Variants in FANCC observed in about 807,000 individuals in gnomAD.
FANCC encodes Fanconi anemia group C protein.
In FANCC, 55 loss-of-function variants were observed where a neutral mutation model predicts 71.3. The ratio of observed to expected loss-of-function variants is 0.77; its 90% CI spans 0.62 to 0.97. The LOEUF (loss-of-function observed/expected upper bound fraction) is 0.97, where lower values mean the gene tolerates loss of function less well. Ranked by LOEUF, FANCC falls within the 50% of genes least tolerant of loss-of-function variation. FANCC has a pLI of 0.00. For synonymous variants in FANCC, 275 were observed against 244.9 expected, an observed-to-expected ratio of 1.12 and a Z score of -1.15; for missense variants, 678 against 670.9, an observed-to-expected ratio of 1.01 and a Z score of -0.12.
chr9:95,193,277 C>T (rs1274464690), intron 4 of FANCC, among the ~76,000 whole-genome samples: 1 of 152,118 alleles, frequency 6.6e-6, no homozygotes, highest in Non-Finnish European at 1.5e-5. Context: ...AAGAAAAGAG[C>T]ATGCAAACAG....
chr9:95,149,104 C>T (rs972177804), intron 7 of FANCC, among the ~76,000 whole-genome samples: 8 of 151,984 alleles, frequency 5.3e-5, no homozygotes, highest in African/African-American at 1.9e-4. Flanking sequence ...AAGAGCATTG[C>T]TTTTCATAAA....
At chr9:95,299,628 A>C (rs1834599092) in intron 1 of FANCC, among the ~76,000 whole-genome samples, 1 of 152,192 alleles carries the variant, frequency 6.6e-6, no homozygotes, top group African/African-American at 2.4e-5. Flanking sequence ...TGGGAGGCTG[A>C]GGAAGGAGGA....
intron 4 of FANCC, among the ~76,000 whole-genome samples, chr9:95,199,212 A>G (rs1827650265): frequency 6.6e-6 from 1 of 151,798 alleles, no homozygotes; most frequent in South Asian, 2.1e-4. Context: ...CACAGACTGC[A>G]CTCTGGCCAG....
At chr9:95,288,273 T>C (rs1333293556) in intron 1 of FANCC, among the ~76,000 whole-genome samples, 3 of 152,246 alleles carry the variant, frequency 2.0e-5, no homozygotes, top group African/African-American at 4.8e-5. Flanking sequence ...GTTTGTTCTA[T>C]ATAACATGAT....
At chr9:95,247,631 A>C (rs1831073440) in intron 2 of FANCC, 115 bp from the exon 3 acceptor site, 1 of 739,684 alleles carries the variant, frequency 1.4e-6, no homozygotes, top group East Asian at 2.5e-5. Flanking sequence ...ACCATTTTTA[A>C]AAGTAAGCAC....
At chr9:95,289,009 G>A (rs547487420) in intron 1 of FANCC, among the ~76,000 whole-genome samples, 1 of 152,092 alleles carries the variant, frequency 6.6e-6, no homozygotes, top group Non-Finnish European at 1.5e-5. Context: ...GCTGAGGAGG[G>A]AGGGCTGCTT....
At chr9:95,251,787 CTAATT>C (rs1186045763) in intron 1 of FANCC, among the ~76,000 whole-genome samples, 2 of 152,110 alleles carry the variant, frequency 1.3e-5, no homozygotes, top group African/African-American at 4.8e-5. Context: ...TTTATTCATA[CTAATT>C]TAATCATTAC....
chr9:95,140,631 C>T (rs1460230690), intron 7 of FANCC, among the ~76,000 whole-genome samples: 1 of 152,184 alleles, frequency 6.6e-6, no homozygotes, highest in Non-Finnish European at 1.5e-5. Context: ...CAAAGGTGCA[C>T]TGGCAACAGT....
intron 4 of FANCC, among the ~76,000 whole-genome samples, chr9:95,224,700 T>C (rs1241625993): frequency 6.6e-6 from 1 of 152,182 alleles, no homozygotes; most frequent in Non-Finnish European, 1.5e-5. Context: ...AGTGGAATCA[T>C]ATAGTATTTG....
chr9:95,237,465 C>T (rs2136029850), intron 4 of FANCC, among the ~76,000 whole-genome samples: 1 of 152,346 alleles, frequency 6.6e-6, no homozygotes, highest in South Asian at 2.1e-4. Flanking sequence ...CGAGTCTTTG[C>T]TCACAGTGGC....
chr9:95,128,934 C>T (rs1826439452), intron 8 of FANCC, among the ~76,000 whole-genome samples: 2 of 150,138 alleles, frequency 1.3e-5, no homozygotes, highest in Admixed American at 6.6e-5. Context: ...GAGACAGGGT[C>T]TCATTCTGTT....
At chr9:95,206,798 C>A (rs1326890174) in intron 4 of FANCC, among the ~76,000 whole-genome samples, 3 of 152,200 alleles carry the variant, frequency 2.0e-5, no homozygotes, top group Non-Finnish European at 2.9e-5. Context: ...ATCTGCAGGT[C>A]TGTTTACCCC....
intron 1 of FANCC, among the ~76,000 whole-genome samples, chr9:95,307,707 A>G (rs974322999): frequency 6.6e-6 from 1 of 152,250 alleles, no homozygotes; most frequent in Admixed American, 6.5e-5. Context: ...CTGTCCAAAG[A>G]AGATAGCCAG....
chr9:95,272,574 G>A (rs978781381), intron 1 of FANCC, among the ~76,000 whole-genome samples: 1 of 152,088 alleles, frequency 6.6e-6, no homozygotes, highest in Middle Eastern at 3.2e-3. Context: ...TCATATGTCT[G>A]TAATCCCAGC....
intron 1 of FANCC, among the ~76,000 whole-genome samples, chr9:95,271,368 T>C (rs1832702860): frequency 6.6e-6 from 1 of 152,174 alleles, no homozygotes; most frequent in Admixed American, 6.5e-5. Flanking sequence ...TCCTGGAATA[T>C]CAGGGTAGGG....
intron 6 of FANCC, among the ~76,000 whole-genome samples, chr9:95,165,731 C>T (rs959614268): frequency 1.3e-5 from 2 of 152,004 alleles, no homozygotes; most frequent in Non-Finnish European, 2.9e-5. Flanking sequence ...TCTATATGTG[C>T]TTGAGAAGAG....
intron 7 of FANCC, 50 bp from the exon 8 acceptor site, chr9:95,135,552 AAAG>A (rs770934419): frequency 1.6e-5 from 25 of 1,558,254 alleles, no homozygotes; most frequent in South Asian, 4.6e-5. Flanking sequence ...CTCACTGAAA[AAAG>A]AAGATTAAAA....
chr9:95,172,469 A>G (rs1027659983), intron 4 of FANCC, among the ~76,000 whole-genome samples: 20 of 152,214 alleles, frequency 1.3e-4, no homozygotes, highest in African/African-American at 4.6e-4. Context: ...AACAGAGATG[A>G]TAATTTTTCT....
In FANCC at chr9:95,107,058, A is replaced by C; in HGVS notation, c.1533+8T>G. 6.2e-7 allele frequency: 1 copy of C among 1,614,086 alleles called. No individual in the cohort carries two copies. The highest frequency in any genetic ancestry group is 8.5e-7 in the Non-Finnish European group (1 of 1,179,942). Reference sequence around the variant, plus strand: ...AGTACTAGGATGCTGGACCACAGGGAGACTTACCAGGGTGATGACATCCCA... The same window carrying C: ...AGTACTAGGATGCTGGACCACAGGGCGACTTACCAGGGTGATGACATCCCA... On this transcript the variant is annotated splice_region_variant and intron_variant, in intron 14 of 14. Coordinates refer to ENST00000289081, the MANE Select transcript of FANCC (RefSeq NM_000136.3).
Sources: gnomAD v4.1 joint callset for allele counts (sites outside exome capture counted in the v4.1 genomes callset) on GRCh38, gnomAD v4.1.1 for gene constraint, MANE v1.5 for transcripts, NCBI Gene and HGNC (gene_info 2026-07-23, HGNC 2026-07-21) for gene names.